The following LARP4B variants were observed in gnomAD, a reference collection of about 807,000 sequenced individuals.
LARP4B encodes the protein la-related protein 4B.
Under a neutral mutation model 89.8 loss-of-function variants are expected in LARP4B, and 12 were observed. The observed-to-expected ratio is 0.13, with a 90% confidence interval of 0.09 to 0.22. LARP4B has a LOEUF of 0.22. Ranked by LOEUF, LARP4B falls within the 10% of genes least tolerant of loss-of-function variation. LARP4B has a pLI of 1.00. For synonymous variants in LARP4B, 367 were observed against 363.3 expected, an observed-to-expected ratio of 1.01 and a Z score of -0.12; for missense variants, 757 against 947.7, an observed-to-expected ratio of 0.80 and a Z score of 2.64.
At chr10:846,369 G>T (rs1209648876) in intron 5 of LARP4B, among the ~76,000 whole-genome samples, 2 of 152,182 alleles carry the variant, frequency 1.3e-5, no homozygotes, top group Non-Finnish European at 2.9e-5. Flanking sequence ...AAACAACCCA[G>T]GATGAGGGGC....
the LARP4B span, chr10:986,939 CA>C: frequency 0.26 from 37,257 of 142,186 alleles, 4,686 homozygotes; most frequent in African/African-American, 0.28. Context: ...GATTCCGTCT[CA>C]AAAAAAAAAA....
At chr10:887,846 A>C (rs184143851) in intron 1 of LARP4B, among the ~76,000 whole-genome samples, 217 of 152,080 alleles carry the variant, frequency 1.4e-3, no homozygotes, top group African/African-American at 4.8e-3. Flanking sequence ...CAACACTGTG[A>C]AACCCCAATC....
chr10:862,757 C>CAA (rs149027121), intron 5 of LARP4B, among the ~76,000 whole-genome samples: 1 of 137,580 alleles, frequency 7.3e-6, no homozygotes. Flanking sequence ...GACTCCGTCT[C>CAA]AAAAAAAAAA....
chr10:868,250 C>T (rs183918253), intron 3 of LARP4B, among the ~76,000 whole-genome samples: 6 of 152,050 alleles, frequency 3.9e-5, no homozygotes, highest in South Asian at 2.1e-4. Context: ...CATGCAAGCA[C>T]CAACCACTCC....
At chr10:907,397 G>A (rs1836521239) in intron 1 of LARP4B, among the ~76,000 whole-genome samples, 1 of 152,112 alleles carries the variant, frequency 6.6e-6, no homozygotes, top group Non-Finnish European at 1.5e-5. Flanking sequence ...ACAGCTGAGG[G>A]CAAAATTACT....
At position 845,205 on chromosome 10, in the gene LARP4B, A is replaced by G. The variant is rs1284510733; in HGVS notation, c.431-150T>C. 1.2e-5 allele frequency: 7 copies of G among 574,458 alleles called. No individual in the cohort carries two copies. In the African/African-American group the frequency reaches 1.3e-4, roughly 11 times the overall value. The allele number at this position is 574,458 out of a possible 1,614,324, so 35.6% of individuals were successfully genotyped here. A position where few individuals can be genotyped will look rare whatever the true frequency, so the allele number is the denominator to read the frequency against. The stretch of plus-strand genomic sequence containing the variant: ...AAGAAAAATGCTACTTTACCTATCA[A>G]AAAAGTAAATCATGCAAAAAAACCT... On this transcript the variant is annotated intron_variant, in intron 5 of 17. Coordinates refer to ENST00000316157, the MANE Select transcript of LARP4B (RefSeq NM_015155.3).
chr10:936,818 A>G (rs1027585493), upstream of LARP4B, among the ~76,000 whole-genome samples: 5 of 152,318 alleles, frequency 3.3e-5, no homozygotes, highest in Admixed American at 2.0e-4. Flanking sequence ...AAGCCACTCC[A>G]ATAGAAACAC....
chr10:972,202 AT>A, the LARP4B span: 1 of 302,830 alleles, frequency 3.3e-6, no homozygotes, highest in South Asian at 3.0e-5. Context: ...TAATTTTTGT[AT>A]TTTTAGTAGA....
At chr10:921,188 G>C (rs1307909158) in intron 1 of LARP4B, among the ~76,000 whole-genome samples, 2 of 151,476 alleles carry the variant, frequency 1.3e-5, no homozygotes, top group African/African-American at 4.9e-5. Flanking sequence ...CAGGAGAATC[G>C]CTTGAACCCA....
At chr10:836,291 A>G in intron 8 of LARP4B, 112 bp downstream of exon 8, 1 of 685,728 alleles carries the variant, frequency 1.5e-6, no homozygotes, top group Non-Finnish European at 2.6e-6. Context: ...TAATGTAAGT[A>G]CTCAGTCTAA....
intron 1 of LARP4B, among the ~76,000 whole-genome samples, chr10:887,533 A>C: frequency 6.6e-6 from 1 of 151,884 alleles, no homozygotes; most frequent in East Asian, 1.9e-4. Context: ...CAACATGGTG[A>C]AACCTCATCT....
Position 814,252 on chromosome 10 carries a change from C to CA in LARP4B, c.1929+489dup. Among the ~76,000 whole-genome samples the CA allele has an allele frequency of 6.6e-6, 1 of 152,238 alleles. No individual in the cohort carries two copies. Among genetic ancestry groups the CA allele is most frequent in the Non-Finnish European group, 1.5e-5 (1 of 68,022 alleles). On this transcript the variant is annotated intron_variant, in intron 17 of 17. Coordinates refer to ENST00000316157, the MANE Select transcript of LARP4B (RefSeq NM_015155.3). The surrounding 1 kb of genome is among the most constrained non-coding windows in gnomAD (Gnocchi z 4.4). ...AGATCAAACTACAGAGGCCACAACTCAGAGTAAGAGAGGCCACAGTTCACC... is the reference window on the plus strand; with the variant it reads ...AGATCAAACTACAGAGGCCACAACTCAAGAGTAAGAGAGGCCACAGTTCACC...
chr10:904,570 AAAAATAAAAAT>A (rs1363743272), intron 1 of LARP4B, among the ~76,000 whole-genome samples: 5 of 152,016 alleles, frequency 3.3e-5, no homozygotes, highest in African/African-American at 4.8e-5. Context: ...AAATAAAAAT[AAAAATAAAAAT>A]AAAATAAAAA....
In LARP4B at chr10:883,752, C is replaced by T. The variant is rs1835760105; in HGVS notation, c.141+695G>A. Among the ~76,000 whole-genome samples, 3 of 149,164 alleles carry T rather than the reference C, an allele frequency of 2.0e-5. No individual in the cohort carries two copies. The South Asian group carries it at 6.3e-4, about 31-fold the overall frequency. Reference sequence around the variant, plus strand: ...AAGCTCGAGACTAGCCTGGGCAACACAGTGAGACCTCGTCTCTATTTGAAA... The same window carrying T: ...AAGCTCGAGACTAGCCTGGGCAACATAGTGAGACCTCGTCTCTATTTGAAA... On this transcript the variant is annotated intron_variant, in intron 3 of 17. Coordinates refer to ENST00000316157, the MANE Select transcript of LARP4B (RefSeq NM_015155.3).
chr10:861,664 T>C (rs1338044259), intron 5 of LARP4B, among the ~76,000 whole-genome samples: 1 of 152,176 alleles, frequency 6.6e-6, no homozygotes, highest in Non-Finnish European at 1.5e-5. Context: ...GGTAACGTTA[T>C]CTATCTCCTG....
intron 5 of LARP4B, among the ~76,000 whole-genome samples, chr10:863,414 A>G (rs935746329): frequency 1.3e-5 from 2 of 151,584 alleles, no homozygotes; most frequent in African/African-American, 4.9e-5. Context: ...TTTTTTTAGT[A>G]GAGACGGGGT....
chr10:932,369 C>CA (rs1213453269), upstream of LARP4B, among the ~76,000 whole-genome samples: 116 of 123,436 alleles, frequency 9.4e-4, no homozygotes, highest in African/African-American at 3.6e-3. Context: ...ACACCCGGGA[C>CA]CAAGGCCCCG....
chr10:849,021 G>A (rs1435885781), intron 5 of LARP4B, among the ~76,000 whole-genome samples: 2 of 152,164 alleles, frequency 1.3e-5, no homozygotes, highest in South Asian at 2.1e-4. Context: ...CGAGAGAAAC[G>A]GCGGCAGACT....
At chr10:928,944 T>C (rs533822674) in intron 1 of LARP4B, among the ~76,000 whole-genome samples, 30 of 152,326 alleles carry the variant, frequency 2.0e-4, no homozygotes, top group Admixed American at 8.5e-4. Flanking sequence ...AAATATATAC[T>C]TGTCAAAACT....
Sources: gnomAD v4.1 joint callset for allele counts (sites outside exome capture counted in the v4.1 genomes callset) on GRCh38, gnomAD v4.1.1 for gene constraint, Gnocchi (gnomAD v3.1) non-coding constraint, MANE v1.5 for transcripts, NCBI Gene and HGNC (gene_info 2026-07-23, HGNC 2026-07-21) for gene names.